The following MAML2 variants were observed in gnomAD, a reference collection of about 807,000 sequenced individuals.
MAML2 encodes mastermind-like protein 2.
A neutral mutation model predicts 96.1 loss-of-function variants in MAML2; 22 were observed. That is an observed-to-expected ratio of 0.23 (90% CI 0.16 to 0.33). MAML2 has a LOEUF of 0.33. Among genes scored for constraint, MAML2 ranks in the 10% least tolerant of loss-of-function variants. MAML2 has a pLI of 1.00. For missense variants in MAML2, 1,367 were observed against 1,392.4 expected, an observed-to-expected ratio of 0.98 and a Z score of 0.29; for synonymous variants, 561 against 521.3, an observed-to-expected ratio of 1.08 and a Z score of -1.04.
intron 1 of MAML2, among the ~76,000 whole-genome samples, chr11:96,106,994 G>C: frequency 9.0e-5 from 1 of 11,068 alleles, no homozygotes; most frequent in Non-Finnish European, 2.0e-4. Context: ...TTTTTTTTTT[G>C]ACCAGTGTAT....
intron 2 of MAML2, among the ~76,000 whole-genome samples, chr11:96,065,083 C>G (rs1267580736): frequency 6.6e-6 from 1 of 152,050 alleles, no homozygotes; most frequent in Non-Finnish European, 1.5e-5. Flanking sequence ...AGCTTTTCCC[C>G]AGAACCTAAA....
At chr11:96,229,339 A>G (rs979274854) in intron 1 of MAML2, among the ~76,000 whole-genome samples, 7 of 151,914 alleles carry the variant, frequency 4.6e-5, no homozygotes, top group Non-Finnish European at 8.8e-5. Flanking sequence ...ATTATACGTA[A>G]GAGTGTTTTC....
rs549438598 is a variant in MAML2 at position 95,979,776 on chromosome 11, G to A, written c.2643C>T (p.Tyr881=). 3 of 1,613,902 alleles carry A rather than the reference G, an allele frequency of 1.9e-6. No individual in the cohort carries two copies. The East Asian group carries it at 6.7e-5, about 36-fold the overall frequency. ...ATTGATTCATTCCTGAAGTGACACT[G>A]TATGTGTTAGGTTGATTACAAGGCA... is the stretch of plus-strand genomic sequence containing the variant. The part of the protein sequence containing the change: ...GNLPCNQPNT[Y]SVTSGMNQLT... Residue 881 remains tyrosine, a synonymous_variant, in exon 5 of 5, where the codon TAC becomes TAT. Transcript: ENST00000524717.
At chr11:96,211,167 G>C (rs1421513744) in intron 1 of MAML2, among the ~76,000 whole-genome samples, 1 of 152,066 alleles carries the variant, frequency 6.6e-6, no homozygotes, top group Non-Finnish European at 1.5e-5. Flanking sequence ...AAGCCTTAAA[G>C]GTACATACAT....
chr11:96,254,292 C>A (rs1333916233), intron 1 of MAML2, among the ~76,000 whole-genome samples: 2 of 151,956 alleles, frequency 1.3e-5, no homozygotes, highest in Admixed American at 6.6e-5. Context: ...TCCTTTGTTG[C>A]CGGACGTGAG....
intron 1 of MAML2, among the ~76,000 whole-genome samples, chr11:96,158,240 C>A (rs1461037070): frequency 6.6e-6 from 1 of 152,196 alleles, no homozygotes; most frequent in Admixed American, 6.5e-5. Context: ...ATGAAAGAGT[C>A]CTAATTCTCA....
At chr11:95,988,360 G>A (rs1857861162) in intron 3 of MAML2, among the ~76,000 whole-genome samples, 1 of 151,510 alleles carries the variant, frequency 6.6e-6, no homozygotes, top group African/African-American at 2.4e-5. Context: ...CCAGGTTCAA[G>A]CGATTCTTCT....
chr11:96,117,961 A>G (rs1329408577), intron 1 of MAML2, among the ~76,000 whole-genome samples: 1 of 152,184 alleles, frequency 6.6e-6, no homozygotes, highest in African/African-American at 2.4e-5. Flanking sequence ...ATTTTGTAAG[A>G]AATAATTGTG....
chr11:96,199,187 C>T (rs1429338191), intron 1 of MAML2, among the ~76,000 whole-genome samples: 1 of 115,672 alleles, frequency 8.6e-6, no homozygotes, highest in Non-Finnish European at 1.7e-5. Context: ...ACAGAGCAAG[C>T]CTCCGTCTCA....
At chr11:96,279,826 T>TATA (rs1457579488) in intron 1 of MAML2, among the ~76,000 whole-genome samples, 6 of 152,164 alleles carry the variant, frequency 3.9e-5, no homozygotes, top group African/African-American at 1.4e-4. Context: ...GAGGGTGTGT[T>TATA]ATAACCCACA....
At chr11:96,064,286 G>A (rs1262905538) in intron 2 of MAML2, among the ~76,000 whole-genome samples, 1 of 152,182 alleles carries the variant, frequency 6.6e-6, no homozygotes, top group African/African-American at 2.4e-5. Context: ...ATGGATGGAA[G>A]CAAAAGCTAG....
At chr11:96,316,854 G>C (rs1863639944) in intron 1 of MAML2, among the ~76,000 whole-genome samples, 1 of 151,972 alleles carries the variant, frequency 6.6e-6, no homozygotes, top group Non-Finnish European at 1.5e-5. Context: ...GGCCAAAGTG[G>C]TGCCCAGACA....
At chr11:96,266,905 C>A (rs79427461) in intron 1 of MAML2, among the ~76,000 whole-genome samples, 2 of 152,242 alleles carry the variant, frequency 1.3e-5, no homozygotes, top group Admixed American at 1.3e-4. Context: ...TTTAGAAATA[C>A]GTGAGGCTTA....
At chr11:96,290,234 A>C (rs1451121016) in intron 1 of MAML2, among the ~76,000 whole-genome samples, 1 of 152,148 alleles carries the variant, frequency 6.6e-6, no homozygotes, top group Non-Finnish European at 1.5e-5. Flanking sequence ...GCTGAACTCT[A>C]ACAGAGATAC....
intron 1 of MAML2, among the ~76,000 whole-genome samples, chr11:96,163,482 T>C (rs1295329129): frequency 6.6e-6 from 1 of 152,174 alleles, no homozygotes; most frequent in African/African-American, 2.4e-5. Flanking sequence ...ACCCTGGAGA[T>C]CAACCAGAAA....
At chr11:96,209,718 A>G (rs1861942671) in intron 1 of MAML2, among the ~76,000 whole-genome samples, 1 of 152,206 alleles carries the variant, frequency 6.6e-6, no homozygotes, top group South Asian at 2.1e-4. Context: ...TAAAATCTGT[A>G]GGCTCCTTTA....
intron 1 of MAML2, among the ~76,000 whole-genome samples, chr11:96,320,519 G>A (rs185835913): frequency 6.6e-6 from 1 of 152,346 alleles, no homozygotes; most frequent in Non-Finnish European, 1.5e-5. Flanking sequence ...TCTAATAGGA[G>A]TGGAGTAGAC....
intron 1 of MAML2, among the ~76,000 whole-genome samples, chr11:96,098,625 T>G (rs1859873158): frequency 6.6e-6 from 1 of 152,230 alleles, no homozygotes; most frequent in South Asian, 2.1e-4. Context: ...AGCAAACTGT[T>G]TCTTTTCACT....
chr11:96,231,353 T>C lies in MAML2; in HGVS notation c.513+110030A>G, dbSNP rs542347146. ...CCTATTAACTTGAATAATACTGAAA[T>C]ACAGTAGATGCTAAATATGCTTGTT... On this transcript the variant is annotated intron_variant, in intron 1 of 4. Coordinates refer to ENST00000524717, the MANE Select transcript of MAML2 (RefSeq NM_032427.4). 2.6e-5 allele frequency among the ~76,000 whole-genome samples: 4 copies of C among 152,328 alleles called. No individual in the cohort carries two copies. The South Asian group carries it at 8.3e-4, about 32-fold the overall frequency.
Sources: allele counts gnomAD v4.1 joint callset (sites outside exome capture counted in the v4.1 genomes callset), GRCh38; gene constraint gnomAD v4.1.1; transcripts MANE v1.5; gene names NCBI Gene and HGNC (gene_info 2026-07-23, HGNC 2026-07-21).